Variants in EXPH5 observed in about 807,000 individuals in gnomAD.
The protein encoded by EXPH5 is exophilin 5.
A neutral mutation model predicts 41.1 loss-of-function variants in EXPH5; 42 were observed. That is an observed-to-expected ratio of 1.02 (90% CI 0.80 to 1.32). EXPH5 has a LOEUF of 1.32. EXPH5 is among the 40% of genes most tolerant of loss of function. The pLI is 0.00. For missense variants in EXPH5, 2,298 were observed against 2,314.5 expected (o/e 0.99, Z 0.15); for synonymous variants, 798 against 833.5 (o/e 0.96, Z 0.73).
chr11:108,581,262 C>T (rs1050015153), intron 1 of EXPH5, among the ~76,000 whole-genome samples: 9 of 152,054 alleles, frequency 5.9e-5, no homozygotes, highest in African/African-American at 2.2e-4. Context: ...CCAGATTGCA[C>T]CACTGCACTC....
chr11:108,606,275 C>G, the EXPH5 span, among the ~76,000 whole-genome samples: 1 of 152,206 alleles, frequency 6.6e-6, no homozygotes, highest in South Asian at 2.1e-4. Flanking sequence ...ATCCCCCACA[C>G]CAGTCCCTGT....
chr11:108,562,984 T>A (rs542517168), intron 1 of EXPH5, among the ~76,000 whole-genome samples: 58 of 152,024 alleles, frequency 3.8e-4, no homozygotes, highest in African/African-American at 1.3e-3. Context: ...TCTAAGGGAG[T>A]TGTGAGAAGA....
At chr11:108,532,501 C>A (rs2093850172) in intron 3 of EXPH5, among the ~76,000 whole-genome samples, 1 of 147,928 alleles carries the variant, frequency 6.8e-6, no homozygotes, top group Admixed American at 6.8e-5. Context: ...AGGCGTGAGC[C>A]ATCATGCTTG....
At chr11:108,602,382 T>G in the EXPH5 span, among the ~76,000 whole-genome samples, 1 of 152,352 alleles carries the variant, frequency 6.6e-6, no homozygotes, top group South Asian at 2.1e-4. Context: ...CCTTCCTTGA[T>G]AGTTTTCAAT....
chr11:108,563,272 C>T (rs1358179829), intron 1 of EXPH5, among the ~76,000 whole-genome samples: 1 of 152,200 alleles, frequency 6.6e-6, no homozygotes, highest in Non-Finnish European at 1.5e-5. Context: ...GCTTTGACTG[C>T]AGAATGAAGT....
At chr11:108,532,339 GATATATATATATAT>G (rs761444200) in intron 3 of EXPH5, among the ~76,000 whole-genome samples, 32 of 23,444 alleles carry the variant, frequency 1.4e-3, no homozygotes, top group East Asian at 1.6e-3. Flanking sequence ...CACCACACTG[GATATATATATATAT>G]ATATATATAT....
chr11:108,589,490 T>C (rs1392901447), intron 1 of EXPH5, among the ~76,000 whole-genome samples: 1 of 152,176 alleles, frequency 6.6e-6, no homozygotes, highest in Admixed American at 6.5e-5. Context: ...CAGAAAAAAC[T>C]AAATTCTGGA....
intron 1 of EXPH5, among the ~76,000 whole-genome samples, chr11:108,569,004 G>GCAC (rs1384156083): frequency 6.6e-6 from 1 of 151,970 alleles, no homozygotes; most frequent in Non-Finnish European, 1.5e-5. Context: ...CCTCGGCTCA[G>GCAC]CACACAGGTC....
chr11:108,508,719 G>A lies in EXPH5; in HGVS notation c.*818C>T, dbSNP rs889696483. 2.6e-5 allele frequency: 4 copies of A among 152,180 alleles called. No homozygotes were observed. Among genetic ancestry groups the A allele is most frequent in the Non-Finnish European group, 5.9e-5 (4 of 68,044 alleles). 9.4% of individuals were successfully genotyped at this position (152,180 alleles called of 1,614,324 possible). ...AAATTCTGTGACCAGGCAACTTTCT[G>A]TATGGTCAGGTTGCCTGGCCTAAGT... On this transcript the variant is annotated 3_prime_UTR_variant, in exon 6 of 6. Coordinates refer to ENST00000265843, the MANE Select transcript of EXPH5 (RefSeq NM_015065.3).
At chr11:108,516,486 A>G (rs1175203631) in intron 5 of EXPH5, among the ~76,000 whole-genome samples, 1 of 152,104 alleles carries the variant, frequency 6.6e-6, no homozygotes, top group Non-Finnish European at 1.5e-5. Context: ...AGACTCTCTA[A>G]GACCCACTCT....
Position 108,505,630 on chromosome 11 carries a change from A to G in EXPH5, c.*3907T>C, listed in dbSNP as rs760905433. The G allele has an allele frequency of 5.9e-5, 9 of 152,230 alleles. No homozygotes were observed. Among genetic ancestry groups the G allele is most frequent in the Admixed American group, 3.3e-4 (5 of 15,286 alleles). 9.4% of individuals were successfully genotyped at this position (152,230 alleles called of 1,614,324 possible). A position where few individuals can be genotyped will look rare whatever the true frequency, so the allele number is the denominator to read the frequency against. Reference sequence around the variant, plus strand: ...AGTCACAAAGAGCCACTAAGTGGCAATACAGCCACAAACTTGCCTGGGAAG... The same window carrying G: ...AGTCACAAAGAGCCACTAAGTGGCAGTACAGCCACAAACTTGCCTGGGAAG... On this transcript the variant is annotated 3_prime_UTR_variant, in exon 6 of 6. Transcript: ENST00000265843.
intron 1 of EXPH5, among the ~76,000 whole-genome samples, chr11:108,545,663 G>A (rs1261535552): frequency 6.6e-6 from 1 of 152,054 alleles, no homozygotes; most frequent in East Asian, 1.9e-4. Flanking sequence ...CAGTGCTTTG[G>A]GAAGCAAGGT....
intron 1 of EXPH5, among the ~76,000 whole-genome samples, chr11:108,557,134 C>T (rs2136070696): frequency 6.6e-6 from 1 of 152,338 alleles, no homozygotes; most frequent in Non-Finnish European, 1.5e-5. Context: ...TCTGGCCCTC[C>T]AAAATAGATT....
Position 108,532,360 on chromosome 11 carries a change from ATATATATTTTTTTTTTTTTT to A in EXPH5, c.444-4196_444-4177del, listed in dbSNP as rs1474646344. On this transcript the variant is annotated intron_variant, in intron 3 of 5. Coordinates refer to ENST00000265843, the MANE Select transcript of EXPH5 (RefSeq NM_015065.3). Reference sequence around the variant, plus strand: ...ACTGGATATATATATATATATATATATATATATTTTTTTTTTTTTTTTTTTTTTTTTTTTTGTAGAGATGG... The same window carrying A: ...ACTGGATATATATATATATATATATATTTTTTTTTTTTTTTGTAGAGATGG... Among the ~76,000 whole-genome samples the A allele has an allele frequency of 9.7e-3, 203 of 20,872 alleles. 3 individuals are homozygous for A. Among genetic ancestry groups the A allele is most frequent in the African/African-American group, 0.049 (195 of 4,016 alleles). 13.7% of individuals were successfully genotyped at this position (20,872 alleles called of 152,430 possible). A position where few individuals can be genotyped will look rare whatever the true frequency, so the allele number is the denominator to read the frequency against.
intron 5 of EXPH5, among the ~76,000 whole-genome samples, chr11:108,517,495 T>A (rs2093734182): frequency 6.6e-6 from 1 of 152,258 alleles, no homozygotes; most frequent in Non-Finnish European, 1.5e-5. Context: ...GTGAAGCTGG[T>A]GGCGACTTCA....
Position 108,570,567 on chromosome 11 carries a change from A to G in EXPH5, c.119+22851T>C, listed in dbSNP as rs149500367. Among the ~76,000 whole-genome samples, 645 of 152,178 alleles carry G rather than the reference A, an allele frequency of 4.2e-3. 3 individuals are homozygous for G. Among genetic ancestry groups the G allele is most frequent in the African/African-American group, 0.014 (580 of 41,516 alleles). On this transcript the variant is annotated intron_variant, in intron 1 of 5. Transcript: ENST00000265843. ...ACTGCGCCTAGCTTATTTTTAAGAGATAAGATCTCACTCTGTTGCTCGGGC... is the reference window on the plus strand; with the variant it reads ...ACTGCGCCTAGCTTATTTTTAAGAGGTAAGATCTCACTCTGTTGCTCGGGC...
chr11:108,565,054 C>A (rs766333850), intron 1 of EXPH5, among the ~76,000 whole-genome samples: 30 of 151,994 alleles, frequency 2.0e-4, no homozygotes, highest in Non-Finnish European at 3.2e-4. Context: ...CACAGGCACC[C>A]ACCACCACGC....
intron 1 of EXPH5, chr11:108,568,160 G>A (rs983007308): frequency 1.6e-5 from 2 of 121,740 alleles, no homozygotes; most frequent in Non-Finnish European, 3.2e-5. Context: ...CTGAAATAAA[G>A]TGTCTTACTT....
intron 1 of EXPH5, among the ~76,000 whole-genome samples, chr11:108,564,747 C>T (rs1239673437): frequency 3.9e-5 from 6 of 152,060 alleles, no homozygotes; most frequent in African/African-American, 7.2e-5. Flanking sequence ...GTATGACGGT[C>T]CATTTCCCCA....
Sources: gnomAD v4.1 joint callset for allele counts (sites outside exome capture counted in the v4.1 genomes callset) on GRCh38, gnomAD v4.1.1 for gene constraint, MANE v1.5 for transcripts, NCBI Gene and HGNC (gene_info 2026-07-23, HGNC 2026-07-21) for gene names.